The following GLCE variants were observed in gnomAD, a reference collection of about 807,000 sequenced individuals.
GLCE encodes the protein glucuronic acid epimerase.
Under a neutral mutation model 47.9 loss-of-function variants are expected in GLCE, and 19 were observed. That is an observed-to-expected ratio of 0.40 (90% CI 0.28 to 0.58). The LOEUF (loss-of-function observed/expected upper bound fraction) is 0.58, where lower values mean the gene tolerates loss of function less well. GLCE is among the 20% of genes least tolerant of loss of function. The pLI, the probability that GLCE is intolerant of heterozygous loss-of-function variation, is 0.48. For synonymous variants in GLCE, 245 were observed against 263.4 expected (o/e 0.93, Z 0.68); for missense variants, 556 against 743.3 (o/e 0.75, Z 2.93).
At chr15:69,236,507 A>G (rs1465873566) in intron 2 of GLCE, among the ~76,000 whole-genome samples, 3 of 152,216 alleles carry the variant, frequency 2.0e-5, no homozygotes, top group Non-Finnish European at 4.4e-5. Context: ...ATGTAGTATA[A>G]TGGCAAACAC....
chr15:69,168,369 C>T (rs142306651), intron 1 of GLCE, among the ~76,000 whole-genome samples: 55 of 152,270 alleles, frequency 3.6e-4, no homozygotes, highest in African/African-American at 1.2e-3. Context: ...ACATACAGAA[C>T]GGTGCATTTT....
chr15:69,240,158 C>T (rs1176332198), intron 2 of GLCE, among the ~76,000 whole-genome samples: 1 of 152,010 alleles, frequency 6.6e-6, no homozygotes, highest in Non-Finnish European at 1.5e-5. Flanking sequence ...ACATTATATA[C>T]TTCCTGATGA....
chr15:69,260,742 A>G, intron 3 of GLCE: 1 of 222,836 alleles, frequency 4.5e-6, no homozygotes, highest in Non-Finnish European at 8.9e-6. Context: ...TACGCATCTA[A>G]ATTGTGCAGA....
At chr15:69,245,113 A>G (rs2052727838) in intron 2 of GLCE, among the ~76,000 whole-genome samples, 1 of 152,132 alleles carries the variant, frequency 6.6e-6, no homozygotes, top group South Asian at 2.1e-4. Context: ...GGGGAGGATC[A>G]CTTGAGGTCA....
intron 1 of GLCE, chr15:69,197,178 C>A: frequency 2.4e-6 from 1 of 417,890 alleles, no homozygotes; most frequent in Admixed American, 2.4e-5. Flanking sequence ...GTCGCACAAC[C>A]AACGCTTCAA....
chr15:69,182,595 A>G (rs1356737080), intron 1 of GLCE, among the ~76,000 whole-genome samples: 1 of 152,198 alleles, frequency 6.6e-6, no homozygotes, highest in African/African-American at 2.4e-5. Flanking sequence ...GATTGAGGAC[A>G]TGGGAAGGTA....
intron 1 of GLCE, among the ~76,000 whole-genome samples, chr15:69,168,724 A>G (rs909201527): frequency 1.3e-5 from 2 of 151,846 alleles, no homozygotes; most frequent in East Asian, 3.9e-4. Flanking sequence ...TAGAGATGGG[A>G]TTTCTCCATG....
Position 69,190,985 on chromosome 15 carries a change from C to T in GLCE, c.-104-19331C>T, listed in dbSNP as rs559554711. 1.2e-4 allele frequency among the ~76,000 whole-genome samples: 19 copies of T among 152,120 alleles called. No homozygotes were observed. In the South Asian group the frequency reaches 2.7e-3, roughly 22 times the overall value. On this transcript the variant is annotated intron_variant, in intron 1 of 4. Transcript: ENST00000261858. Reference sequence around the variant, plus strand: ...TACATTCTATATCTTTAACTTACACCGTGTTCCTACACATTATATTATACA... The same window carrying T: ...TACATTCTATATCTTTAACTTACACTGTGTTCCTACACATTATATTATACA...
intron 2 of GLCE, among the ~76,000 whole-genome samples, chr15:69,213,515 C>T (rs994485933): frequency 6.6e-6 from 1 of 152,042 alleles, no homozygotes; most frequent in Admixed American, 6.6e-5. Context: ...AGGTGATGTG[C>T]CTTTCTCAGC....
chr15:69,232,278 T>C (rs1238943117), intron 2 of GLCE, among the ~76,000 whole-genome samples: 1 of 152,246 alleles, frequency 6.6e-6, no homozygotes, highest in African/African-American at 2.4e-5. Flanking sequence ...TAGTCATTAA[T>C]GTCTTTCTAA....
At chr15:69,200,293 A>G (rs1000651424) in intron 1 of GLCE, among the ~76,000 whole-genome samples, 7 of 152,164 alleles carry the variant, frequency 4.6e-5, no homozygotes, top group African/African-American at 1.7e-4. Context: ...AGGCAAAGAA[A>G]TGGTTCCAGA....
chr15:69,220,527 T>C (rs370465743), intron 2 of GLCE, among the ~76,000 whole-genome samples: 2 of 152,246 alleles, frequency 1.3e-5, no homozygotes, highest in South Asian at 2.1e-4. Flanking sequence ...TCGTTAATGA[T>C]TTATGATGTT....
chr15:69,225,172 C>CT (rs35793132), intron 2 of GLCE, among the ~76,000 whole-genome samples: 28 of 148,830 alleles, frequency 1.9e-4, no homozygotes, highest in South Asian at 8.6e-4. Flanking sequence ...TATTTTAAAG[C>CT]TTTTTTTTTT....
At chr15:69,211,322 G>T (rs942355780) in intron 2 of GLCE, among the ~76,000 whole-genome samples, 2 of 151,932 alleles carry the variant, frequency 1.3e-5, no homozygotes, top group Non-Finnish European at 2.9e-5. Context: ...GATTATATTT[G>T]TCTCTCCTAC....
At chr15:69,168,548 T>TG (rs2051538899) in intron 1 of GLCE, among the ~76,000 whole-genome samples, 1 of 152,090 alleles carries the variant, frequency 6.6e-6, no homozygotes, top group Non-Finnish European at 1.5e-5. Context: ...TTTTTTTTTT[T>TG]TTGAGACGGA....
In GLCE at chr15:69,268,906, T is replaced by C; in HGVS notation, c.1516T>C (p.Ser506Pro). 1 of 1,613,988 alleles carries C rather than the reference T, an allele frequency of 6.2e-7. No individual in the cohort carries two copies. The highest frequency in any genetic ancestry group is 1.1e-5 in the South Asian group (1 of 91,084). ...WYEEYPTTPS[S>P]FVLNGFMYSL... ...TGAAGAATATCCAACCACACCTAGC[T>C]CTTTTGTTTTAAATGGCTTTATGTA... Residue 506 changes from serine (S) to proline (P), a missense_variant, in exon 5 of 5, where the codon TCT (serine) becomes CCT (proline). Physicochemically the swap from Ser to Pro is moderately conservative, Grantham distance 74. This residue lies in a region of GLCE where 245 missense variants were observed against 368.1 expected (regional missense o/e 0.67). Coordinates refer to ENST00000261858, the MANE Select transcript of GLCE (RefSeq NM_015554.3).
intron 2 of GLCE, among the ~76,000 whole-genome samples, chr15:69,249,455 C>A (rs1332226729): frequency 6.6e-6 from 1 of 152,128 alleles, no homozygotes; most frequent in Non-Finnish European, 1.5e-5. Context: ...TCAAAACAAT[C>A]AGTGAGTTTG....
chr15:69,250,590 T>G (rs2052826457), intron 2 of GLCE, among the ~76,000 whole-genome samples: 1 of 151,988 alleles, frequency 6.6e-6, no homozygotes, highest in South Asian at 2.1e-4. Context: ...GCAATCCCAC[T>G]ACTGATCATC....
chr15:69,262,825 G>A (rs535040487), intron 4 of GLCE, among the ~76,000 whole-genome samples: 170 of 152,274 alleles, frequency 1.1e-3, no homozygotes, highest in Non-Finnish European at 2.0e-3. Flanking sequence ...TGGTGGAAGC[G>A]TGCTAGCTGG....
Sources: allele counts gnomAD v4.1 joint callset (sites outside exome capture counted in the v4.1 genomes callset), GRCh38; gene constraint gnomAD v4.1.1; regional missense constraint gnomAD v4.1.1; transcripts MANE v1.5; gene names NCBI Gene and HGNC (gene_info 2026-07-23, HGNC 2026-07-21).